Variants in THADA observed in about 807,000 individuals in gnomAD.
THADA encodes tRNA (32-2'-O)-methyltransferase regulator THADA.
THADA carries 213 observed loss-of-function variants against 219.8 expected under a neutral mutation model. The observed-to-expected ratio is 0.97, with a 90% CI of 0.87 to 1.09. The LOEUF is 1.09. THADA is among the 50% of genes least tolerant of loss of function. The pLI, the probability that THADA is intolerant of heterozygous loss-of-function variation, is 0.00. For synonymous variants in THADA, 1,018 were observed against 828.9 expected, an observed-to-expected ratio of 1.23 and a Z score of -3.92; for missense variants, 2,956 against 2,311.3, an observed-to-expected ratio of 1.28 and a Z score of -5.72.
chr2:43,351,676 A>T (rs1668282568), intron 29 of THADA, among the ~76,000 whole-genome samples: 1 of 152,214 alleles, frequency 6.6e-6, no homozygotes, highest in African/African-American at 2.4e-5. Flanking sequence ...CAGAGGATTC[A>T]TTGATTCGGA....
At chr2:43,333,019 G>A (rs750691310) in intron 30 of THADA, 4 of 152,078 alleles carry the variant, frequency 2.6e-5, no homozygotes, top group East Asian at 3.8e-4. Flanking sequence ...ACCCAGACTC[G>A]TTTCCATAAG....
intron 36 of THADA, among the ~76,000 whole-genome samples, chr2:43,272,633 T>C (rs1672263028): frequency 1.3e-5 from 2 of 150,234 alleles, no homozygotes; most frequent in Non-Finnish European, 3.0e-5. Context: ...CTTTTTTTTT[T>C]TTTTTTTTTG....
At chr2:43,503,581 G>A (rs898319334) in intron 24 of THADA, among the ~76,000 whole-genome samples, 10 of 151,904 alleles carry the variant, frequency 6.6e-5, no homozygotes, top group Admixed American at 3.3e-4. Flanking sequence ...CATAACTAAC[G>A]GTCTCTGTAA....
chr2:43,562,278 C>T (rs1698157081), intron 15 of THADA: 1 of 151,990 alleles, frequency 6.6e-6, no homozygotes, highest in Non-Finnish European at 1.5e-5. Flanking sequence ...AAGTCTTGCT[C>T]TTGTCGCCCA....
intron 26 of THADA, among the ~76,000 whole-genome samples, chr2:43,479,728 G>A (rs948328223): frequency 6.6e-6 from 1 of 151,908 alleles, no homozygotes; most frequent in East Asian, 1.9e-4. Flanking sequence ...ATAGTTTTAC[G>A]ACATTCCCGG....
intron 26 of THADA, among the ~76,000 whole-genome samples, chr2:43,447,095 A>G (rs1681669926): frequency 6.6e-6 from 1 of 152,172 alleles, no homozygotes; most frequent in South Asian, 2.1e-4. Flanking sequence ...GAAATTTACA[A>G]TCATGGTGGA....
At chr2:43,350,960 C>T (rs921194746) in intron 29 of THADA, among the ~76,000 whole-genome samples, 5 of 152,108 alleles carry the variant, frequency 3.3e-5, no homozygotes, top group South Asian at 2.1e-4. Flanking sequence ...GGAAACAGGC[C>T]GTGAATATCT....
intron 29 of THADA, among the ~76,000 whole-genome samples, chr2:43,350,511 T>C (rs772888937): frequency 6.6e-6 from 1 of 152,262 alleles, no homozygotes; most frequent in Non-Finnish European, 1.5e-5. Context: ...AACTAGGCCG[T>C]AGGCCTCTCA....
At chr2:43,344,421 C>A (rs2104537940) in intron 29 of THADA, among the ~76,000 whole-genome samples, 184 bp from the exon 30 acceptor site, 1 of 152,252 alleles carries the variant, frequency 6.6e-6, no homozygotes, top group Non-Finnish European at 1.5e-5. Context: ...CCGAGAAACC[C>A]AAGTCCTTAA....
intron 23 of THADA, among the ~76,000 whole-genome samples, chr2:43,508,089 T>G (rs1266717206): frequency 6.6e-6 from 1 of 152,116 alleles, no homozygotes; most frequent in Non-Finnish European, 1.5e-5. Flanking sequence ...TCACTTAACG[T>G]ACCTAAACCC....
At chr2:43,471,175 T>A (rs1178503773) in intron 26 of THADA, among the ~76,000 whole-genome samples, 2 of 152,156 alleles carry the variant, frequency 1.3e-5, no homozygotes, top group East Asian at 3.8e-4. Flanking sequence ...TCATTTACTG[T>A]CACCCCCCAA....
chr2:43,383,674 A>G (rs1440691395), intron 29 of THADA, among the ~76,000 whole-genome samples: 2 of 152,184 alleles, frequency 1.3e-5, no homozygotes, highest in South Asian at 2.1e-4. Flanking sequence ...GTGGCCCAAG[A>G]TTCTGCATTT....
intron 31 of THADA, among the ~76,000 whole-genome samples, chr2:43,308,759 A>G: frequency 1.3e-5 from 1 of 77,800 alleles, no homozygotes; most frequent in Admixed American, 1.2e-4. Flanking sequence ...TACCCATACC[A>G]AAAAAAAAAA....
At chr2:43,332,114 C>A (rs759951474) in intron 30 of THADA, among the ~76,000 whole-genome samples, 1 of 152,162 alleles carries the variant, frequency 6.6e-6, no homozygotes, top group African/African-American at 2.4e-5. Context: ...GAGACAGAAT[C>A]TTGCTCTGTC....
chr2:43,516,950 T>G (rs752984433), intron 22 of THADA, among the ~76,000 whole-genome samples: 4 of 152,180 alleles, frequency 2.6e-5, no homozygotes, highest in Non-Finnish European at 5.9e-5. Flanking sequence ...TGGAATGTAT[T>G]ACCAGAGAAT....
intron 26 of THADA, among the ~76,000 whole-genome samples, chr2:43,439,302 T>A (rs1041437592): frequency 6.6e-6 from 1 of 152,222 alleles, no homozygotes; most frequent in Non-Finnish European, 1.5e-5. Context: ...ATCACACTCG[T>A]TTAACTTTTA....
At chr2:43,259,853 T>A (rs1164085640) in intron 36 of THADA, among the ~76,000 whole-genome samples, 1 of 152,262 alleles carries the variant, frequency 6.6e-6, no homozygotes, top group Admixed American at 6.5e-5. Flanking sequence ...AAAAGGGAAT[T>A]GCTGGCTCAA....
chr2:43,278,756 G>A (rs1673009506), intron 36 of THADA, among the ~76,000 whole-genome samples: 1 of 152,188 alleles, frequency 6.6e-6, no homozygotes, highest in Non-Finnish European at 1.5e-5. Context: ...CACATCTGGG[G>A]AGGCTTCCAG....
intron 31 of THADA, among the ~76,000 whole-genome samples, chr2:43,301,953 G>A (rs1676312107): frequency 6.6e-6 from 1 of 152,148 alleles, no homozygotes; most frequent in African/African-American, 2.4e-5. Context: ...CCCTTCGTTT[G>A]CAGGACACAA....
Sources: gnomAD v4.1 joint callset for allele counts (sites outside exome capture counted in the v4.1 genomes callset) on GRCh38, gnomAD v4.1.1 for gene constraint, MANE v1.5 for transcripts, NCBI Gene and HGNC (gene_info 2026-07-23, HGNC 2026-07-21) for gene names.